Variants in CACNA2D4 observed in about 807,000 individuals in gnomAD.
The protein encoded by CACNA2D4 is calcium voltage-gated channel auxiliary subunit alpha2delta 4.
In CACNA2D4, 157 loss-of-function variants were observed where a neutral mutation model predicts 163.8. The observed-to-expected ratio is 0.96, with a 90% CI of 0.84 to 1.09. The LOEUF (loss-of-function observed/expected upper bound fraction) is 1.09, where lower values mean the gene tolerates loss of function less well. Ranked by LOEUF, CACNA2D4 falls within the 50% of genes least tolerant of loss-of-function variation. The pLI is 0.00. For missense variants in CACNA2D4, 1,410 were observed against 1,479.9 expected, an observed-to-expected ratio of 0.95 and a Z score of 0.78; for synonymous variants, 598 against 586.9, an observed-to-expected ratio of 1.02 and a Z score of -0.27.
intron 3 of CACNA2D4, among the ~76,000 whole-genome samples, chr12:1,912,455 C>T (rs1019133745): frequency 2.6e-5 from 4 of 152,226 alleles, no homozygotes; most frequent in African/African-American, 9.6e-5. Flanking sequence ...GTCACCTGGG[C>T]ACAAGGCCCA....
At chr12:1,793,929 G>A (rs1406818111) in intron 37 of CACNA2D4, among the ~76,000 whole-genome samples, 170 bp from the exon 38 acceptor site, 1 of 152,204 alleles carries the variant, frequency 6.6e-6, no homozygotes, top group Non-Finnish European at 1.5e-5. Flanking sequence ...GAAAAGCAAA[G>A]GCTGGCCCCT....
chr12:1,900,366 C>T (rs552292612), intron 6 of CACNA2D4, among the ~76,000 whole-genome samples: 3 of 152,280 alleles, frequency 2.0e-5, no homozygotes, highest in African/African-American at 7.2e-5. Context: ...AATTCCTGGG[C>T]TGAAGCAATC....
intron 6 of CACNA2D4, among the ~76,000 whole-genome samples, chr12:1,900,310 T>G (rs542419656): frequency 6.6e-6 from 1 of 152,130 alleles, no homozygotes; most frequent in Non-Finnish European, 1.5e-5. Flanking sequence ...TTTTAAAAAA[T>G]TTTTGGTGGA....
At chr12:1,800,597 T>TCCCCCCAC in intron 31 of CACNA2D4, 159 bp from the exon 32 acceptor site, 1 of 636,820 alleles carries the variant, frequency 1.6e-6, no homozygotes, top group Non-Finnish European at 2.8e-6. Flanking sequence ...GCACCCCCCA[T>TCCCCCCAC]CCCCCCACCT....
intron 26 of CACNA2D4, chr12:1,827,561 C>G (rs557250607): frequency 6.5e-6 from 1 of 153,028 alleles, no homozygotes. Context: ...GCTGCAGCTG[C>G]CAAGGGCCTG....
intron 26 of CACNA2D4, among the ~76,000 whole-genome samples, chr12:1,824,635 G>A (rs1864242907): frequency 1.3e-5 from 2 of 152,226 alleles, no homozygotes; most frequent in African/African-American, 4.8e-5. Context: ...TGCACCCTGG[G>A]TAGGGACTTC....
chr12:1,810,214 C>T, intron 29 of CACNA2D4, 64 bp downstream of exon 29: 1 of 1,380,000 alleles, frequency 7.2e-7, no homozygotes, highest in Admixed American at 1.7e-5. Context: ...GCTGGAGTGG[C>T]TGCCCAATGT....
intron 26 of CACNA2D4, chr12:1,830,799 G>C: frequency 2.9e-6 from 2 of 689,890 alleles, no homozygotes; most frequent in Non-Finnish European, 4.8e-6. Context: ...GTTAATAAAC[G>C]TTTATGCATT....
At chr12:1,879,782 G>C in intron 14 of CACNA2D4, 22 bp downstream of exon 14, 1 of 1,569,946 alleles carries the variant, frequency 6.4e-7, no homozygotes, top group South Asian at 1.2e-5. Flanking sequence ...CTGCTACAAC[G>C]TCTCCAGGAG....
intron 26 of CACNA2D4, chr12:1,827,824 A>C: frequency 3.0e-6 from 1 of 328,446 alleles, no homozygotes. Context: ...GGGTAGGCCC[A>C]TGGGTGCACC....
rs768308730 is a variant in CACNA2D4 at position 1,846,707 on chromosome 12, C to T, written c.2247-18G>A. 9.5e-6 allele frequency: 15 copies of T among 1,573,658 alleles called. No individual in the cohort carries two copies. Among genetic ancestry groups the T allele is most frequent in the African/African-American group, 2.7e-5 (2 of 74,316 alleles). ...CAGACTCCCTGTGTGGCAGACAGAGCGGGAATGGTCACCACATGGCTGTGG... is the reference window on the plus strand; with the variant it reads ...CAGACTCCCTGTGTGGCAGACAGAGTGGGAATGGTCACCACATGGCTGTGG... On this transcript the variant is annotated intron_variant, in intron 23 of 37. Coordinates refer to ENST00000382722, the MANE Select transcript of CACNA2D4 (RefSeq NM_172364.5).
chr12:1,843,224 G>A lies in CACNA2D4; in HGVS notation c.2470+1178C>T, dbSNP rs772559079. Among the ~76,000 whole-genome samples, 4 of 152,176 alleles carry A rather than the reference G, an allele frequency of 2.6e-5. No homozygotes were observed. The highest frequency in any genetic ancestry group is 4.4e-5 in the Non-Finnish European group (3 of 68,026). ...AGGAAGGCGGGATTCCGGAGGGGGC[G>A]GGGTGGAGCTCCTCCCTGCTGTTTG... On this transcript the variant is annotated intron_variant, in intron 25 of 37. Coordinates refer to ENST00000382722, the MANE Select transcript of CACNA2D4 (RefSeq NM_172364.5). This position sits in a 1 kb window ranked among gnomAD's most constrained non-coding sequence, Gnocchi z 4.6.
At chr12:1,836,959 C>T (rs1056475745) in intron 26 of CACNA2D4, among the ~76,000 whole-genome samples, 4 of 152,170 alleles carry the variant, frequency 2.6e-5, no homozygotes, top group Non-Finnish European at 5.9e-5. Context: ...CAGAGCCAGG[C>T]CCTGTGGCTG....
intron 6 of CACNA2D4, among the ~76,000 whole-genome samples, chr12:1,899,557 T>G (rs1389086839): frequency 6.6e-6 from 1 of 152,092 alleles, no homozygotes; most frequent in Non-Finnish European, 1.5e-5. Context: ...ATGGATGGAT[T>G]CTAAATAAAA....
At chr12:1,808,838 C>T (rs1395839120) in intron 29 of CACNA2D4, among the ~76,000 whole-genome samples, 1 of 152,162 alleles carries the variant, frequency 6.6e-6, no homozygotes, top group Non-Finnish European at 1.5e-5. Context: ...GGTTTTCTCC[C>T]AGAACAACGG....
chr12:1,793,909 C>T (rs1460454833), intron 37 of CACNA2D4, 150 bp from the exon 38 acceptor site: 1 of 637,708 alleles, frequency 1.6e-6, no homozygotes, highest in Admixed American at 2.9e-5. Context: ...TAGGCCCCTA[C>T]CTTTTGGGGG....
intron 6 of CACNA2D4, among the ~76,000 whole-genome samples, chr12:1,903,227 C>T (rs1226211443): frequency 6.6e-6 from 1 of 151,972 alleles, no homozygotes; most frequent in Non-Finnish European, 1.5e-5. Flanking sequence ...AAGTGGATTA[C>T]ATACTTAAAT....
At chr12:1,857,710 C>T (rs191935594) in intron 20 of CACNA2D4, among the ~76,000 whole-genome samples, 180 of 152,254 alleles carry the variant, frequency 1.2e-3, no homozygotes, top group African/African-American at 3.5e-3. Flanking sequence ...CTTCTCTCCC[C>T]GCCTCCACCA....
chr12:1,801,205 G>C, intron 30 of CACNA2D4, 87 bp from the exon 31 acceptor site: 1 of 1,096,700 alleles, frequency 9.1e-7, no homozygotes, highest in Non-Finnish European at 1.4e-6. Context: ...CAGAGCATCC[G>C]TTTACCGCAA....
Sources: allele counts gnomAD v4.1 joint callset (sites outside exome capture counted in the v4.1 genomes callset), GRCh38; gene constraint gnomAD v4.1.1; non-coding constraint Gnocchi (gnomAD v3.1); transcripts MANE v1.5; gene names NCBI Gene and HGNC (gene_info 2026-07-23, HGNC 2026-07-21).